FARS2: variants seen among roughly 807,000 people sequenced by gnomAD.
FARS2 encodes phenylalanyl-tRNA synthetase 2, mitochondrial.
In FARS2, 40 loss-of-function variants were observed where a neutral mutation model predicts 46.4. The ratio of observed to expected loss-of-function variants is 0.86; its 90% CI spans 0.67 to 1.12. The LOEUF (loss-of-function observed/expected upper bound fraction) is 1.12. Among genes scored for constraint, FARS2 ranks in the 50% most tolerant of loss-of-function variants. The pLI, the probability that FARS2 is intolerant of heterozygous loss-of-function variation, is 0.00. For missense variants in FARS2, 513 were observed against 567.9 expected (o/e 0.90, Z 0.98); for synonymous variants, 234 against 214.9 (o/e 1.09, Z -0.78).
chr6:5,686,347 C>CG (rs1010896673), intron 6 of FARS2, among the ~76,000 whole-genome samples: 2 of 150,986 alleles, frequency 1.3e-5, no homozygotes, highest in African/African-American at 5.0e-5. Flanking sequence ...TGCTCTCCCC[C>CG]CCCGCTGCCC....
chr6:5,253,451 CTGTTTA>C, the FARS2 span, among the ~76,000 whole-genome samples: 3 of 150,942 alleles, frequency 2.0e-5, no homozygotes, highest in Admixed American at 6.6e-5. Context: ...TAATGACTTG[CTGTTTA>C]TGTTTATTTT....
Position 5,341,212 on chromosome 6 carries a change from T to G in FARS2, c.-21-27338T>G, listed in dbSNP as rs1457612134. 1.5e-3 allele frequency among the ~76,000 whole-genome samples: 10 copies of G among 6,484 alleles called. 1 individual carries two copies. Among genetic ancestry groups the G allele is most frequent in the African/African-American group, 3.6e-3 (7 of 1,958 alleles). The allele number at this position is 6,484 out of a possible 152,430, so 4.3% of individuals were successfully genotyped here. On this transcript the variant is annotated intron_variant, in intron 1 of 6. Transcript: ENST00000274680. Reference sequence around the variant, plus strand: ...AGATATATATATATATATATATATATATATATATATATATATATATATATT... The same window carrying G: ...AGATATATATATATATATATATATAGATATATATATATATATATATATATT...
chr6:5,574,093 T>G (rs1772817386), intron 5 of FARS2, among the ~76,000 whole-genome samples: 1 of 152,208 alleles, frequency 6.6e-6, no homozygotes, highest in South Asian at 2.1e-4. Context: ...TGCATGTGCT[T>G]CTCAACTACT....
At chr6:5,493,549 T>G (rs1561661014) in intron 4 of FARS2, among the ~76,000 whole-genome samples, 1 of 152,192 alleles carries the variant, frequency 6.6e-6, no homozygotes, top group Non-Finnish European at 1.5e-5. Context: ...GGACCTTATG[T>G]CTACCCCGGA....
intron 6 of FARS2, among the ~76,000 whole-genome samples, chr6:5,717,921 T>TAGAGAGAGAGAGAGAGAGAGAGAGAGAG (rs1561818430): frequency 3.3e-5 from 1 of 30,506 alleles, no homozygotes; most frequent in African/African-American, 2.8e-4. Flanking sequence ...TATATATATA[T>TAGAGAGAGAGAGAGAGAGAGAGAGAGAG]ATATATATAT....
At chr6:5,308,063 T>C (rs1478771185) in intron 1 of FARS2, among the ~76,000 whole-genome samples, 1 of 152,208 alleles carries the variant, frequency 6.6e-6, no homozygotes, top group African/African-American at 2.4e-5. Flanking sequence ...TCAAATAAAA[T>C]GGGCCACGGA....
At chr6:5,307,800 C>T (rs1015995426) in intron 1 of FARS2, among the ~76,000 whole-genome samples, 4 of 152,014 alleles carry the variant, frequency 2.6e-5, no homozygotes, top group Non-Finnish European at 4.4e-5. Context: ...GCCAGCATCT[C>T]GGTGGGGCAC....
chr6:5,732,128 A>G lies in FARS2; in HGVS notation c.1218-39163A>G, dbSNP rs548419714. 2.6e-5 allele frequency among the ~76,000 whole-genome samples: 4 copies of G among 152,344 alleles called. No individual in the cohort carries two copies. The South Asian group carries it at 8.3e-4, about 32-fold the overall frequency. ...TTGGATTGAAAGTCGCTTAAATAAC[A>G]CAGCAAACATTGCTCAGCACCTGCT... On this transcript the variant is annotated intron_variant, in intron 6 of 6. Coordinates refer to ENST00000274680, the MANE Select transcript of FARS2 (RefSeq NM_006567.5).
intron 6 of FARS2, among the ~76,000 whole-genome samples, chr6:5,643,655 A>G (rs573175238): frequency 6.6e-6 from 1 of 152,212 alleles, no homozygotes; most frequent in South Asian, 2.1e-4. Flanking sequence ...GGTGCTCTGT[A>G]CTGGAGGGGG....
chr6:5,645,586 C>G (rs1396845641), intron 6 of FARS2, among the ~76,000 whole-genome samples: 1 of 152,212 alleles, frequency 6.6e-6, no homozygotes, highest in Non-Finnish European at 1.5e-5. Context: ...TCTCCATCCT[C>G]TGAAACTTCC....
upstream of FARS2, chr6:5,260,832 A>G: frequency 6.6e-7 from 1 of 1,516,586 alleles, no homozygotes; most frequent in Non-Finnish European, 8.8e-7. Flanking sequence ...CGAACGAAAT[A>G]AAATGCTGCG....
rs140966489 is a variant in FARS2, at chr6:5,559,939, G to A, written c.1065+14599G>A. Reference sequence around the variant, plus strand: ...GCAGGGATAATTGGGTGTCCACATGGAAAAAAAATGAAACTTGACCCCATA... The same window carrying A: ...GCAGGGATAATTGGGTGTCCACATGAAAAAAAAATGAAACTTGACCCCATA... On this transcript the variant is annotated intron_variant, in intron 5 of 6. Coordinates refer to ENST00000274680, the MANE Select transcript of FARS2 (RefSeq NM_006567.5). 5.6e-4 allele frequency among the ~76,000 whole-genome samples: 85 copies of A among 151,668 alleles called. 2 individuals carry two copies. The East Asian group carries it at 0.012, about 21-fold the overall frequency.
At chr6:5,527,002 A>G (rs1280099399) in intron 4 of FARS2, among the ~76,000 whole-genome samples, 2 of 152,206 alleles carry the variant, frequency 1.3e-5, no homozygotes, top group Non-Finnish European at 2.9e-5. Flanking sequence ...AAAGTGTTTA[A>G]AAGGTTTATC....
At chr6:5,263,212 C>G (rs937103679) in intron 1 of FARS2, among the ~76,000 whole-genome samples, 4 of 152,162 alleles carry the variant, frequency 2.6e-5, no homozygotes, top group African/African-American at 9.7e-5. Flanking sequence ...GGAATTTAAT[C>G]ATTAACGTAC....
At chr6:5,521,422 T>A (rs1352202694) in intron 4 of FARS2, among the ~76,000 whole-genome samples, 1 of 151,214 alleles carries the variant, frequency 6.6e-6, no homozygotes, top group Non-Finnish European at 1.5e-5. Context: ...GGACTGTGAA[T>A]GTATAAAGGG....
At chr6:5,330,114 A>C (rs139072468) in intron 1 of FARS2, among the ~76,000 whole-genome samples, 1 of 151,970 alleles carries the variant, frequency 6.6e-6, no homozygotes, top group Non-Finnish European at 1.5e-5. Flanking sequence ...AGGAGTTCTC[A>C]ATCAGGAACA....
chr6:5,558,971 G>C (rs562069085), intron 5 of FARS2, among the ~76,000 whole-genome samples: 2 of 152,118 alleles, frequency 1.3e-5, no homozygotes, highest in East Asian at 3.9e-4. Flanking sequence ...CATCTATTTT[G>C]ATTTATTTTT....
At position 5,610,006 on chromosome 6, in the gene FARS2, G is replaced by C. The variant is rs184933666; in HGVS notation, c.1066-3163G>C. On this transcript the variant is annotated intron_variant, in intron 5 of 6. Transcript: ENST00000274680. ...ATTCGTGGCTGCTTCCACCTCCTCC[G>C]CAGTGGCATAGTGACAAACCCAAAG... The C allele has an allele frequency of 3.4e-3, 3,516 of 1,035,926 alleles. 16 individuals are homozygous for C. The highest frequency in any genetic ancestry group is 7.0e-3 in the Middle Eastern group (24 of 3,414). The allele number at this position is 1,035,926 out of a possible 1,614,324, so 64.2% of individuals were successfully genotyped here. A position where few individuals can be genotyped will look rare whatever the true frequency, so the allele number is the denominator to read the frequency against.
At chr6:5,560,264 A>G (rs1042769439) in intron 5 of FARS2, among the ~76,000 whole-genome samples, 1 of 152,116 alleles carries the variant, frequency 6.6e-6, no homozygotes, top group Non-Finnish European at 1.5e-5. Flanking sequence ...AGTTTGCTTC[A>G]AGTTGTTGCT....
Sources: gnomAD v4.1 joint callset for allele counts (sites outside exome capture counted in the v4.1 genomes callset) on GRCh38, gnomAD v4.1.1 for gene constraint, MANE v1.5 for transcripts, NCBI Gene and HGNC (gene_info 2026-07-23, HGNC 2026-07-21) for gene names.